The following RGS12 variants were observed in gnomAD, a reference collection of about 807,000 sequenced individuals.
The protein encoded by RGS12 is regulator of G-protein signaling 12.
Under a neutral mutation model 120.1 loss-of-function variants are expected in RGS12, and 66 were observed. The ratio of observed to expected loss-of-function variants is 0.55; its 90% confidence interval spans 0.45 to 0.67. RGS12 has a LOEUF of 0.67. RGS12 is among the 30% of genes least tolerant of loss of function. RGS12 has a pLI of 0.00. For missense variants in RGS12, 1,859 were observed against 1,957.7 expected (o/e 0.95, Z 0.95); for synonymous variants, 827 against 804.7 (o/e 1.03, Z -0.47).
intron 4 of RGS12, chr4:3,407,403 T>C (rs1024673492): frequency 6.6e-6 from 1 of 152,388 alleles, no homozygotes; most frequent in East Asian, 1.9e-4. Flanking sequence ...ATTGGCCTCC[T>C]GGGAGTGTGA....
intron 1 of RGS12, among the ~76,000 whole-genome samples, chr4:3,315,649 C>T (rs1439326909): frequency 1.3e-5 from 2 of 152,238 alleles, no homozygotes; most frequent in Non-Finnish European, 2.9e-5. Flanking sequence ...CCTTGCTTCT[C>T]ACGCTTGGAC....
rs766383490 is a variant in RGS12 at position 3,433,690 on chromosome 4, C to T, written c.4114+2735C>T. On this transcript the variant is annotated intron_variant, in intron 17 of 17. Coordinates refer to ENST00000336727, the MANE Select transcript of RGS12 (RefSeq NM_001394154.1). This position sits in a 1 kb window ranked among gnomAD's most constrained non-coding sequence, Gnocchi z 4.4. ...CCCTGCGCCACGTGGTGCTCCACCA[C>T]GCCCTTCTAGCCTCAGCGTCATGCA... Among the ~76,000 whole-genome samples the T allele has an allele frequency of 8.5e-5, 13 of 152,102 alleles. No homozygotes were observed. The highest frequency in any genetic ancestry group is 2.1e-4 in the South Asian group (1 of 4,824).
intron 2 of RGS12, among the ~76,000 whole-genome samples, chr4:3,336,590 G>A (rs1298655256): frequency 2.6e-5 from 4 of 152,212 alleles, no homozygotes; most frequent in Non-Finnish European, 5.9e-5. Context: ...GGAGGGGTGG[G>A]GGTGTAGTCG....
intron 7 of RGS12, 58 bp downstream of exon 7, chr4:3,416,179 T>A: frequency 6.3e-7 from 1 of 1,587,344 alleles, no homozygotes; most frequent in Non-Finnish European, 8.6e-7. Context: ...GGGTATAGGG[T>A]CCACCTTCAA....
At chr4:3,419,605 C>T (rs948759049) in intron 9 of RGS12, 1 of 151,578 alleles carries the variant, frequency 6.6e-6, no homozygotes, top group Non-Finnish European at 1.5e-5. Flanking sequence ...TCGTTTGAGT[C>T]TAGGAGTTCA....
chr4:3,346,816 C>T (rs1370268320), intron 3 of RGS12, among the ~76,000 whole-genome samples: 5 of 152,324 alleles, frequency 3.3e-5, no homozygotes, highest in East Asian at 3.9e-4. Context: ...ATTTTGCCTA[C>T]AGTCTTAAGG....
intron 11 of RGS12, 129 bp downstream of exon 11, chr4:3,422,699 G>A: frequency 8.6e-7 from 1 of 1,159,108 alleles, no homozygotes; most frequent in Non-Finnish European, 1.2e-6. Flanking sequence ...CTGGGGCGGA[G>A]GCCGGATTAT....
At chr4:3,395,791 G>T (rs758661797) in intron 4 of RGS12, among the ~76,000 whole-genome samples, 1 of 151,980 alleles carries the variant, frequency 6.6e-6, no homozygotes, top group Non-Finnish European at 1.5e-5. Context: ...TTGATTTATA[G>T]AATATTTTAA....
intron 3 of RGS12, among the ~76,000 whole-genome samples, chr4:3,370,889 A>G (rs1387308208): frequency 1.3e-5 from 2 of 152,208 alleles, no homozygotes; most frequent in Non-Finnish European, 2.9e-5. Context: ...AATAATTTCT[A>G]TTTTCCTCTT....
intron 17 of RGS12, among the ~76,000 whole-genome samples, chr4:3,437,395 T>C (rs747944204): frequency 5.3e-5 from 8 of 152,172 alleles, no homozygotes; most frequent in Non-Finnish European, 1.0e-4. Context: ...TCTGGACATG[T>C]GTGGTGTTGC....
chr4:3,318,190 T>G, intron 2 of RGS12, 139 bp downstream of exon 2: 1 of 726,972 alleles, frequency 1.4e-6, no homozygotes, highest in Middle Eastern at 4.1e-4. Flanking sequence ...CATCACAGGG[T>G]GTCTGCGTTG....
At chr4:3,353,531 G>A (rs1266281353) in intron 3 of RGS12, among the ~76,000 whole-genome samples, 1 of 152,122 alleles carries the variant, frequency 6.6e-6, no homozygotes, top group African/African-American at 2.4e-5. Context: ...TGAAGTCTTC[G>A]AGGATGGTAC....
At chr4:3,377,154 A>G in intron 3 of RGS12, among the ~76,000 whole-genome samples, 1 of 151,970 alleles carries the variant, frequency 6.6e-6, no homozygotes, top group Admixed American at 6.6e-5. Flanking sequence ...TCAGAGTCCC[A>G]GCTACTTAGG....
chr4:3,425,644 G>C (rs1471566134), intron 14 of RGS12, 84 bp downstream of exon 14: 3 of 817,868 alleles, frequency 3.7e-6, no homozygotes, highest in East Asian at 6.2e-5. Context: ...TGCAGGGGAG[G>C]GGGTGAGTGG....
At chr4:3,434,519 G>A (rs1724625319) in intron 17 of RGS12, among the ~76,000 whole-genome samples, 1 of 152,156 alleles carries the variant, frequency 6.6e-6, no homozygotes, top group African/African-American at 2.4e-5. Context: ...TCGACACAGG[G>A]ACCCTCCAAA....
At chr4:3,432,261 C>T (rs925443869) in intron 17 of RGS12, 1 of 791,806 alleles carries the variant, frequency 1.3e-6, no homozygotes, top group Non-Finnish European at 1.5e-6. Flanking sequence ...GGGGAAATAT[C>T]ACACATTTTT....
In RGS12 at chr4:3,439,587, G is replaced by A; in HGVS notation, c.4247G>A (p.Ser1416Asn). 6.2e-7 allele frequency: 1 copy of A among 1,610,948 alleles called. No homozygotes were observed. The highest frequency in any genetic ancestry group is 1.1e-5 in the South Asian group (1 of 90,870). ...AQAGPGRSQA[S>N]GGPPTSDLPG... ...GCTGGCCCTGGGAGGTCGCAGGCCA[G>A]TGGTGGGCCTCCTACATCAGACCTC... The change falls in exon 18 of 18, where the codon AGT becomes AAT. Residue 1416 changes from serine to asparagine, a missense_variant. By Grantham distance (46) the Ser-to-Asn change is conservative. Around this residue, in one of 3 missense-constraint regions of RGS12, gnomAD observed 517 missense variants for 488.5 expected, o/e 1.06. Coordinates refer to ENST00000336727, the MANE Select transcript of RGS12 (RefSeq NM_001394154.1).
intron 1 of RGS12, among the ~76,000 whole-genome samples, chr4:3,293,459 C>T (rs1723170669): frequency 6.6e-6 from 1 of 150,564 alleles, no homozygotes; most frequent in South Asian, 2.1e-4. Context: ...GGCAGGGGGT[C>T]CCGCGGGCGA....
At chr4:3,309,483 T>G (rs1190743276) in intron 1 of RGS12, among the ~76,000 whole-genome samples, 1 of 85,644 alleles carries the variant, frequency 1.2e-5, no homozygotes. Context: ...GGGAACCGTG[T>G]GGGGGAGGAG....
Sources: allele counts gnomAD v4.1 joint callset (sites outside exome capture counted in the v4.1 genomes callset), GRCh38; gene constraint gnomAD v4.1.1; regional missense constraint gnomAD v4.1.1; non-coding constraint Gnocchi (gnomAD v3.1); transcripts MANE v1.5; gene names NCBI Gene and HGNC (gene_info 2026-07-23, HGNC 2026-07-21).